Variants in MMP15 observed in about 807,000 individuals in gnomAD.
MMP15 encodes matrix metallopeptidase 15, also known as matrix metalloproteinase-15.
Under a neutral mutation model 65.0 loss-of-function variants are expected in MMP15, and 36 were observed. The observed-to-expected ratio is 0.55, with a 90% CI of 0.42 to 0.73. MMP15 has a LOEUF of 0.73. Ranked by LOEUF, MMP15 falls within the 30% of genes least tolerant of loss-of-function variation. The pLI is 0.00. For synonymous variants in MMP15, 428 were observed against 410.2 expected (o/e 1.04, Z -0.52); for missense variants, 870 against 987.8 (o/e 0.88, Z 1.60).
intron 1 of MMP15, among the ~76,000 whole-genome samples, chr16:58,035,445 A>G (rs1364000106): frequency 2.0e-5 from 3 of 152,188 alleles, no homozygotes; most frequent in Non-Finnish European, 2.9e-5. Flanking sequence ...TGATGGGTCA[A>G]GGAGGCCGAA....
rs1218620655 is a variant in MMP15, at chr16:58,045,384, C to T, written c.1948C>T (p.Gln650Ter). Residue 650 changes from glutamine to a stop codon, truncating the protein, a stop_gained, in exon 10 of 10, where the codon CAG becomes TAG. Coordinates refer to ENST00000219271, the MANE Select transcript of MMP15 (RefSeq NM_002428.4). LOFTEE classifies it high-confidence loss of function. ...CCTCACCTACGCGCTGGTGCAGATG[C>T]AGCGCAAGGGTGCGCCACGTGTCCT... The part of the protein sequence containing the change: ...LGLTYALVQM[Q>*]RKGAPRVLLY... 1 of 1,587,364 alleles carries T rather than the reference C, an allele frequency of 6.3e-7. No individual in the cohort carries two copies. Among genetic ancestry groups the T allele is most frequent in the Non-Finnish European group, 8.6e-7 (1 of 1,169,328 alleles).
intron 1 of MMP15, among the ~76,000 whole-genome samples, chr16:58,037,060 T>A (rs12928392): frequency 0.34 from 51,781 of 152,054 alleles, 10,568 homozygotes; most frequent in African/African-American, 0.57. Flanking sequence ...GATGAAAGCC[T>A]CTCAGTTGTC....
intron 9 of MMP15, among the ~76,000 whole-genome samples, chr16:58,044,431 A>G (rs2142332380): frequency 6.6e-6 from 1 of 152,194 alleles, no homozygotes; most frequent in African/African-American, 2.4e-5. Context: ...TGGGTGACTC[A>G]GGGGGGACCT....
At chr16:58,029,758 T>C (rs1037632053) in intron 1 of MMP15, among the ~76,000 whole-genome samples, 1 of 152,124 alleles carries the variant, frequency 6.6e-6, no homozygotes, top group African/African-American at 2.4e-5. Context: ...ATGTTGATAC[T>C]TAAAAGATAT....
rs1326281180 is a variant in MMP15 at position 58,037,597 on chromosome 16, T to C, written c.288T>C (p.Gly96=). 2 of 1,614,018 alleles carry C rather than the reference T, an allele frequency of 1.2e-6. No homozygotes were observed. Among genetic ancestry groups the C allele is most frequent in the Non-Finnish European group, 1.7e-6 (2 of 1,180,018 alleles). The change falls in exon 2 of 10, where the codon GGT becomes GGC. Residue 96 remains glycine, a synonymous_variant. Coordinates refer to ENST00000219271, the MANE Select transcript of MMP15 (RefSeq NM_002428.4). Reference sequence around the variant, plus strand: ...GCTTCTACGGGATCCCAGTCACCGGTGTGCTCGACGAAGAGACCAAGGAGT... The same window carrying C: ...GCTTCTACGGGATCCCAGTCACCGGCGTGCTCGACGAAGAGACCAAGGAGT... ...MQRFYGIPVT[G]VLDEETKEWM...
intron 3 of MMP15, among the ~76,000 whole-genome samples, 180 bp downstream of exon 3, chr16:58,038,574 C>T (rs1959384007): frequency 6.6e-6 from 1 of 152,226 alleles, no homozygotes; most frequent in South Asian, 2.1e-4. Flanking sequence ...CTTCAAGCTA[C>T]TTCCACCCTG....
At chr16:58,042,932 G>A (rs1265512888) in intron 7 of MMP15, among the ~76,000 whole-genome samples, 1 of 152,162 alleles carries the variant, frequency 6.6e-6, no homozygotes, top group East Asian at 1.9e-4. Context: ...CCCCATACAA[G>A]AACTATATGT....
At chr16:58,027,524 G>A (rs1963838917) in intron 1 of MMP15, among the ~76,000 whole-genome samples, 1 of 152,218 alleles carries the variant, frequency 6.6e-6, no homozygotes, top group East Asian at 1.9e-4. Context: ...TCTGAACGGT[G>A]CTCAGGCCTT....
intron 1 of MMP15, among the ~76,000 whole-genome samples, chr16:58,036,609 C>T (rs1309142022): frequency 6.6e-6 from 1 of 152,222 alleles, no homozygotes; most frequent in Middle Eastern, 3.2e-3. Context: ...CATGGTTCCC[C>T]ATTCTATAGG....
chr16:58,035,313 A>G (rs928811264), intron 1 of MMP15, among the ~76,000 whole-genome samples: 53 of 152,186 alleles, frequency 3.5e-4, no homozygotes, highest in Non-Finnish European at 1.6e-4. Context: ...CCTGGGCCAG[A>G]GGTGAGGAGT....
intron 4 of MMP15, 54 bp downstream of exon 4, chr16:58,040,236 A>C: frequency 6.5e-7 from 1 of 1,546,912 alleles, no homozygotes; most frequent in East Asian, 2.3e-5. Context: ...GGAGCTGGGC[A>C]ACAACACCCT....
intron 1 of MMP15, among the ~76,000 whole-genome samples, chr16:58,034,933 C>A (rs904850530): frequency 4.6e-5 from 7 of 152,150 alleles, no homozygotes; most frequent in South Asian, 2.1e-4. Flanking sequence ...GATCCTCCCC[C>A]ACCCTCCCCT....
intron 4 of MMP15, 138 bp from the exon 5 acceptor site, chr16:58,040,399 T>A: frequency 8.5e-7 from 1 of 1,174,566 alleles, no homozygotes; most frequent in Non-Finnish European, 1.2e-6. Context: ...GGGGTTGTTG[T>A]AGGCCGAAAG....
Position 58,040,685 on chromosome 16 carries a change from C to T in MMP15, c.897C>T (p.Ile299=), listed in dbSNP as rs1414441019. ...FKLPEDDLRG[I]QQLYGTPDGQ... ...TGCCCGAGGACGATCTCCGTGGCAT[C>T]CAGCAGCTCTACGGTGCGTGGGCTG... Residue 299 remains isoleucine (I), a synonymous_variant, in exon 5 of 10, where the codon ATC becomes ATT. Transcript: ENST00000219271. The T allele has an allele frequency of 9.9e-6, 16 of 1,614,174 alleles. No individual in the cohort carries two copies. The highest frequency in any genetic ancestry group is 1.4e-5 in the Non-Finnish European group (16 of 1,180,046).
At chr16:58,036,313 G>C (rs977744479) in intron 1 of MMP15, among the ~76,000 whole-genome samples, 1 of 152,218 alleles carries the variant, frequency 6.6e-6, no homozygotes, top group Non-Finnish European at 1.5e-5. Context: ...AGCTCGGCCT[G>C]TCTCTGCCCT....
intron 1 of MMP15, among the ~76,000 whole-genome samples, chr16:58,030,389 C>G (rs1963877077): frequency 6.6e-6 from 1 of 152,166 alleles, no homozygotes; most frequent in South Asian, 2.1e-4. Context: ...ATTCCTGAGA[C>G]CAGAGGCCAT....
In MMP15 at chr16:58,041,811, A is replaced by T; in HGVS notation, c.1105A>T (p.Ile369Phe). ...TERPDQYGPN[I>F]CDGDFDTVAM... ...GCGGCCCGACCAGTATGGCCCCAAC[A>T]TCTGCGACGGGGACTTTGACACAGT... The change falls in exon 6 of 10, where the codon ATC becomes TTC. Residue 369 changes from isoleucine (I) to phenylalanine (F), a missense_variant. Physicochemically the swap from Ile to Phe is conservative, Grantham distance 21 (BLOSUM62 0). Coordinates refer to ENST00000219271, the MANE Select transcript of MMP15 (RefSeq NM_002428.4). 1.9e-6 allele frequency: 3 copies of T among 1,612,232 alleles called. No individual in the cohort carries two copies. Among genetic ancestry groups the T allele is most frequent in the Non-Finnish European group, 2.5e-6 (3 of 1,179,224 alleles).
rs763246696 is a variant in MMP15, at chr16:58,037,633, C to G, written c.311+13C>G. The G allele has an allele frequency of 3.4e-5, 55 of 1,613,924 alleles. No homozygotes were observed. The highest frequency in any genetic ancestry group is 6.7e-5 in the East Asian group (3 of 44,896). On this transcript the variant is annotated intron_variant, in intron 2 of 9. Coordinates refer to ENST00000219271, the MANE Select transcript of MMP15 (RefSeq NM_002428.4). ...AAGAGACCAAGGAGTGAGTTCCCCC[C>G]ACCATCCACACCCCACAGGCACCTG...
Position 58,026,495 on chromosome 16 carries a change from G to A in MMP15, c.145G>A (p.Ala49Thr). Residue 49 changes from alanine to threonine, a missense_variant, in exon 1 of 10, where the codon GCG becomes ACG. Transcript: ENST00000219271. ...CLGLGVAAED[A>T]EVHAENWLRL... ...GGGCCTTGGCGTAGCGGCCGAAGACGCGGAGGTCCATGCCGAGGTAAGACC... is the reference window on the plus strand; with the variant it reads ...GGGCCTTGGCGTAGCGGCCGAAGACACGGAGGTCCATGCCGAGGTAAGACC... The A allele has an allele frequency of 7.3e-7, 1 of 1,373,088 alleles. No individual in the cohort carries two copies. The highest frequency in any genetic ancestry group is 9.4e-7 in the Non-Finnish European group (1 of 1,061,276). The allele number at this position is 1,373,088 out of a possible 1,614,324, so 85.1% of individuals were successfully genotyped here.
Sources: gnomAD v4.1 joint callset for allele counts (sites outside exome capture counted in the v4.1 genomes callset) on GRCh38, gnomAD v4.1.1 for gene constraint, MANE v1.5 for transcripts, NCBI Gene and HGNC (gene_info 2026-07-23, HGNC 2026-07-21) for gene names.